JARID2: variants seen among roughly 807,000 people sequenced by gnomAD.
JARID2 encodes protein Jumonji.
JARID2 carries 21 observed loss-of-function variants against 125.6 expected under a neutral mutation model. The ratio of observed to expected loss-of-function variants is 0.17; its 90% CI spans 0.12 to 0.24. The LOEUF is 0.24. Among genes scored for constraint, JARID2 ranks in the 10% least tolerant of loss-of-function variants. The pLI, the probability that JARID2 is intolerant of heterozygous loss-of-function variation, is 1.00. For synonymous variants in JARID2, 736 were observed against 661.6 expected (o/e 1.11, Z -1.73); for missense variants, 1,303 against 1,639.6 (o/e 0.79, Z 3.55).
At chr6:15,416,706 AGAGGGAGAGGGAGAG>A (rs1561848645) in intron 3 of JARID2, among the ~76,000 whole-genome samples, 1 of 105,896 alleles carries the variant, frequency 9.4e-6, no homozygotes, top group Non-Finnish European at 1.9e-5. Flanking sequence ...GACCGTGGGG[AGAGGGAGAGGGAGAG>A]GGGGGAGAGG....
intron 3 of JARID2, among the ~76,000 whole-genome samples, chr6:15,441,837 C>A (rs1218424134): frequency 2.0e-5 from 3 of 151,862 alleles, no homozygotes; most frequent in Non-Finnish European, 4.4e-5. Flanking sequence ...TGTTGCCCAG[C>A]CTGGAGTGCA....
chr6:15,257,736 A>T (rs1759719595), intron 1 of JARID2, among the ~76,000 whole-genome samples: 1 of 152,232 alleles, frequency 6.6e-6, no homozygotes, highest in African/African-American at 2.4e-5. Flanking sequence ...AGTACACGTT[A>T]GGCCAGCGGG....
intron 3 of JARID2, among the ~76,000 whole-genome samples, chr6:15,417,078 C>T (rs1005988272): frequency 5.3e-5 from 8 of 151,990 alleles, no homozygotes; most frequent in Non-Finnish European, 7.4e-5. Context: ...CTGAAGTGTA[C>T]GATTCAAAAG....
chr6:15,343,381 C>T (rs1268994115), intron 1 of JARID2, among the ~76,000 whole-genome samples: 1 of 150,530 alleles, frequency 6.6e-6, no homozygotes, highest in Non-Finnish European at 1.5e-5. Flanking sequence ...GGAAGAGTGT[C>T]ATTAAGTTCT....
rs144690960 is a variant in JARID2, at chr6:15,438,947, G to A, written c.324-13059G>A. Among the ~76,000 whole-genome samples, 1,115 of 151,320 alleles carry A rather than the reference G, an allele frequency of 7.4e-3. 14 individuals carry two copies. The highest frequency in any genetic ancestry group is 0.025 in the African/African-American group (1,036 of 41,114). The stretch of plus-strand genomic sequence containing the variant: ...CTCAGGAGGCTGAGGCAAGAGAATC[G>A]CTTCAACCCGGAAGGGGGAGGTTTT... On this transcript the variant is annotated intron_variant, in intron 3 of 17. Coordinates refer to ENST00000341776, the MANE Select transcript of JARID2 (RefSeq NM_004973.4).
chr6:15,516,294 A>G (rs1771556509), intron 16 of JARID2, among the ~76,000 whole-genome samples: 1 of 152,222 alleles, frequency 6.6e-6, no homozygotes, highest in South Asian at 2.1e-4. Context: ...TTGAGTGTTA[A>G]GACTGAATTT....
rs576705146 is a variant in JARID2, at chr6:15,437,857, G to A, written c.324-14149G>A. 9.2e-5 allele frequency among the ~76,000 whole-genome samples: 14 copies of A among 152,222 alleles called. No homozygotes were observed. The South Asian group carries it at 1.5e-3, about 16-fold the overall frequency. On this transcript the variant is annotated intron_variant, in intron 3 of 17. Coordinates refer to ENST00000341776, the MANE Select transcript of JARID2 (RefSeq NM_004973.4). ...AATGGGATGTGGGGGGCAAAAGGGC[G>A]ATTCTGGGAGGACAAATAAATTCTT...
chr6:15,318,930 G>A (rs1040035743), intron 1 of JARID2, among the ~76,000 whole-genome samples: 4 of 152,224 alleles, frequency 2.6e-5, no homozygotes, highest in Non-Finnish European at 5.9e-5. Context: ...CAGTGGCAAA[G>A]AGCTCTGCAC....
intron 1 of JARID2, among the ~76,000 whole-genome samples, chr6:15,275,093 A>G (rs1760444435): frequency 6.6e-6 from 1 of 152,174 alleles, no homozygotes; most frequent in Non-Finnish European, 1.5e-5. Context: ...ACTTGGGGTG[A>G]CAACCTCGGA....
intron 1 of JARID2, among the ~76,000 whole-genome samples, chr6:15,341,331 T>C (rs1393606938): frequency 6.6e-6 from 1 of 152,226 alleles, no homozygotes; most frequent in East Asian, 1.9e-4. Context: ...TTAAAAAGTT[T>C]TCTTATGTAT....
Position 15,246,303 on chromosome 6 carries a change from T to A in JARID2, c.-237T>A. 1.7e-6 allele frequency: 1 copy of A among 572,910 alleles called. No individual in the cohort carries two copies. Among genetic ancestry groups the A allele is most frequent in the Non-Finnish European group, 3.1e-6 (1 of 325,672 alleles). 35.5% of individuals were successfully genotyped at this position (572,910 alleles called of 1,614,324 possible). A position where few individuals can be genotyped will look rare whatever the true frequency, so the allele number is the denominator to read the frequency against. ...AAATTTTCCATTATGAGTGTTTTAC[T>A]AAAGTGAATTTTTTTTTGTTTGCTT... On this transcript the variant is annotated 5_prime_UTR_variant, in exon 1 of 18. Coordinates refer to ENST00000341776, the MANE Select transcript of JARID2 (RefSeq NM_004973.4).
intron 1 of JARID2, among the ~76,000 whole-genome samples, chr6:15,353,368 C>A (rs888610964): frequency 1.3e-5 from 2 of 152,144 alleles, no homozygotes; most frequent in Non-Finnish European, 1.5e-5. Flanking sequence ...TAATTCATAT[C>A]GTTGTACCTA....
rs1340595160 is a variant in JARID2, at chr6:15,261,599, C to A, written c.45+15015C>A. On this transcript the variant is annotated intron_variant, in intron 1 of 17. Transcript: ENST00000341776. The stretch of plus-strand genomic sequence containing the variant: ...CCTCCCAAAGTGCTGGGATTACAGG[C>A]GTGAGCCACCCCGCCCGGCCTGGTG... 2.0e-5 allele frequency among the ~76,000 whole-genome samples: 3 copies of A among 152,194 alleles called. No individual in the cohort carries two copies. In the South Asian group the frequency reaches 6.2e-4, roughly 32 times the overall value.
chr6:15,427,963 G>A (rs150705849), intron 3 of JARID2, among the ~76,000 whole-genome samples: 5 of 151,910 alleles, frequency 3.3e-5, no homozygotes, highest in Non-Finnish European at 7.4e-5. Context: ...GTAGTGCACA[G>A]TGCTTTAACT....
intron 3 of JARID2, among the ~76,000 whole-genome samples, chr6:15,442,045 T>G (rs1767469477): frequency 6.6e-6 from 1 of 152,086 alleles, no homozygotes; most frequent in Admixed American, 6.6e-5. Flanking sequence ...GCCTGGATTT[T>G]TATTTTTTAA....
chr6:15,300,714 TGTGTGTGTGAGAGAGAGAGAGA>T, intron 1 of JARID2, among the ~76,000 whole-genome samples: 1 of 140,062 alleles, frequency 7.1e-6, no homozygotes, highest in Middle Eastern at 3.6e-3. Flanking sequence ...TGTGTGTGTG[TGTGTGTGTGAGAGAGAGAGAGA>T]GAGAGAGAGA....
Position 15,504,595 on chromosome 6 carries a change from G to A in JARID2, c.2541+3G>A. On this transcript the variant is annotated splice_donor_region_variant and intron_variant, in intron 9 of 17. Coordinates refer to ENST00000341776, the MANE Select transcript of JARID2 (RefSeq NM_004973.4). Reference sequence around the variant, plus strand: ...AGCCTGCCCCAGCCGAAATCGAGGTGAGAGAAGGGGCCCCTCACGCTGCCT... The same window carrying A: ...AGCCTGCCCCAGCCGAAATCGAGGTAAGAGAAGGGGCCCCTCACGCTGCCT... 6.2e-7 allele frequency: 1 copy of A among 1,607,380 alleles called. No homozygotes were observed. The highest frequency in any genetic ancestry group is 8.5e-7 in the Non-Finnish European group (1 of 1,173,880).
intron 3 of JARID2, among the ~76,000 whole-genome samples, chr6:15,440,261 C>T (rs948611382): frequency 6.6e-6 from 1 of 152,224 alleles, no homozygotes; most frequent in African/African-American, 2.4e-5. Context: ...GGTGGATTCA[C>T]AGCTTGCAAC....
At chr6:15,442,000 T>C (rs1158450077) in intron 3 of JARID2, among the ~76,000 whole-genome samples, 1 of 152,044 alleles carries the variant, frequency 6.6e-6, no homozygotes, top group Non-Finnish European at 1.5e-5. Flanking sequence ...CAGGCTGGTC[T>C]CAAACTCCTG....
Sources: gnomAD v4.1 joint callset for allele counts (sites outside exome capture counted in the v4.1 genomes callset) on GRCh38, gnomAD v4.1.1 for gene constraint, MANE v1.5 for transcripts, NCBI Gene and HGNC (gene_info 2026-07-23, HGNC 2026-07-21) for gene names.